The following SLC35F1 variants were observed in gnomAD, a reference collection of about 807,000 sequenced individuals.
The protein encoded by SLC35F1 is solute carrier family 35 member F1.
Under a neutral mutation model 48.7 loss-of-function variants are expected in SLC35F1, and 14 were observed. The ratio of observed to expected loss-of-function variants is 0.29; its 90% CI spans 0.19 to 0.45. The LOEUF (loss-of-function observed/expected upper bound fraction) is 0.45, where lower values mean the gene tolerates loss of function less well. Ranked by LOEUF, SLC35F1 falls within the 20% of genes least tolerant of loss-of-function variation. The probability of loss-of-function intolerance (pLI) is 1.00; values close to 1 mark genes in which losing one functional copy is unlikely to be tolerated. For missense variants in SLC35F1, 404 were observed against 500.0 expected (o/e 0.81, Z 1.83); for synonymous variants, 190 against 202.2 (o/e 0.94, Z 0.51).
chr6:117,930,647 C>T (rs985823323), intron 1 of SLC35F1, among the ~76,000 whole-genome samples: 5 of 152,132 alleles, frequency 3.3e-5, no homozygotes, highest in Non-Finnish European at 7.3e-5. Flanking sequence ...TTCATCCTTC[C>T]TAACTGCTGA....
At chr6:118,070,859 G>A (rs1772692971) in intron 1 of SLC35F1, among the ~76,000 whole-genome samples, 1 of 128,330 alleles carries the variant, frequency 7.8e-6, no homozygotes, top group East Asian at 2.3e-4. Context: ...TATACACATA[G>A]GATATATATA....
chr6:118,289,873 T>G (rs1776098832), intron 7 of SLC35F1, among the ~76,000 whole-genome samples: 1 of 152,244 alleles, frequency 6.6e-6, no homozygotes. Context: ...TAATCTGTAC[T>G]ATTATTTTAA....
At chr6:117,920,092 G>A (rs1775877743) in intron 1 of SLC35F1, among the ~76,000 whole-genome samples, 1 of 152,246 alleles carries the variant, frequency 6.6e-6, no homozygotes, top group Admixed American at 6.5e-5. Flanking sequence ...GGTTCCCGGG[G>A]CTGGCTGGAG....
At chr6:118,247,279 C>T (rs895969588) in intron 3 of SLC35F1, among the ~76,000 whole-genome samples, 2 of 152,120 alleles carry the variant, frequency 1.3e-5, no homozygotes, top group Admixed American at 6.5e-5. Flanking sequence ...TTGCCACTGA[C>T]CTATTATGGT....
In SLC35F1 at chr6:118,316,418, C is replaced by T. The variant is rs192527970; in HGVS notation, c.*2166C>T. 11 of 152,734 alleles carry T rather than the reference C, an allele frequency of 7.2e-5. No homozygotes were observed. Among genetic ancestry groups the T allele is most frequent in the Non-Finnish European group, 1.3e-4 (9 of 68,022 alleles). The allele number at this position is 152,734 out of a possible 1,614,324, so 9.5% of individuals were successfully genotyped here. A position where few individuals can be genotyped will look rare whatever the true frequency, so the allele number is the denominator to read the frequency against. On this transcript the variant is annotated 3_prime_UTR_variant, in exon 8 of 8. Transcript: ENST00000360388. ...AAATACCTTTCTCTGAATATTTTGTCCATTCAGATCCGAAGACCTTTAAAG... is the reference window on the plus strand; with the variant it reads ...AAATACCTTTCTCTGAATATTTTGTTCATTCAGATCCGAAGACCTTTAAAG...
intron 1 of SLC35F1, among the ~76,000 whole-genome samples, chr6:118,134,917 A>G (rs1423201774): frequency 6.6e-6 from 1 of 152,190 alleles, no homozygotes; most frequent in African/African-American, 2.4e-5. Context: ...TTCCAGAATT[A>G]AAGTTTGAAT....
chr6:118,162,134 G>A (rs1334751014), intron 2 of SLC35F1, among the ~76,000 whole-genome samples: 1 of 152,014 alleles, frequency 6.6e-6, no homozygotes, highest in Non-Finnish European at 1.5e-5. Flanking sequence ...GCTTATGAAA[G>A]GATAAAAAAA....
At chr6:118,201,793 C>T (rs753872559) in intron 2 of SLC35F1, among the ~76,000 whole-genome samples, 26 of 152,170 alleles carry the variant, frequency 1.7e-4, no homozygotes, top group Non-Finnish European at 3.4e-4. Context: ...CAAGGCCACT[C>T]TCCAGTCCAA....
chr6:118,136,392 A>G (rs1582686472), intron 1 of SLC35F1, among the ~76,000 whole-genome samples: 1 of 152,176 alleles, frequency 6.6e-6, no homozygotes, highest in South Asian at 2.1e-4. Context: ...AAATACCTTC[A>G]GGTCTTTTCA....
intron 3 of SLC35F1, among the ~76,000 whole-genome samples, chr6:118,245,268 C>T (rs1562337837): frequency 6.6e-6 from 1 of 152,200 alleles, no homozygotes; most frequent in Non-Finnish European, 1.5e-5. Context: ...GTAAAACTTG[C>T]CAATCCCTTC....
At chr6:118,123,591 T>C (rs1220973885) in intron 1 of SLC35F1, among the ~76,000 whole-genome samples, 1 of 152,212 alleles carries the variant, frequency 6.6e-6, no homozygotes. Context: ...ATGCCAATTT[T>C]GGATGTGATG....
chr6:118,125,287 G>A (rs191033335), intron 1 of SLC35F1, among the ~76,000 whole-genome samples: 18 of 150,654 alleles, frequency 1.2e-4, no homozygotes, highest in African/African-American at 4.1e-4. Flanking sequence ...TTCCCTCTGT[G>A]CTATTTTAAC....
chr6:118,098,887 G>C (rs1009215559), intron 1 of SLC35F1, among the ~76,000 whole-genome samples: 1 of 152,064 alleles, frequency 6.6e-6, no homozygotes, highest in Non-Finnish European at 1.5e-5. Context: ...GGAGTTCCTT[G>C]TCCCCATTCA....
intron 1 of SLC35F1, among the ~76,000 whole-genome samples, chr6:118,084,998 G>A (rs1008522281): frequency 6.6e-6 from 1 of 152,106 alleles, no homozygotes; most frequent in African/African-American, 2.4e-5. Flanking sequence ...TCTTTGATTT[G>A]TTTAACCATC....
At chr6:118,116,428 C>A (rs1202714235) in intron 1 of SLC35F1, among the ~76,000 whole-genome samples, 1 of 152,116 alleles carries the variant, frequency 6.6e-6, no homozygotes, top group African/African-American at 2.4e-5. Context: ...CAAGTGTGGT[C>A]AACGTTTTGC....
At chr6:118,168,898 T>C (rs931570278) in intron 2 of SLC35F1, among the ~76,000 whole-genome samples, 4 of 150,784 alleles carry the variant, frequency 2.7e-5, no homozygotes, top group African/African-American at 1.0e-4. Context: ...GTTCATGGGC[T>C]TTATCCTAGT....
rs753106734 is a variant in SLC35F1 at position 118,314,284 on chromosome 6, T to C, written c.*32T>C. 4 of 1,577,972 alleles carry C rather than the reference T, an allele frequency of 2.5e-6. No homozygotes were observed. Among genetic ancestry groups the C allele is most frequent in the Non-Finnish European group, 3.5e-6 (4 of 1,147,424 alleles). ...GCCCGCCCTGCCAACTGAGGCCAAC[T>C]CATTGGCCATGTTTTTGCCCATCAT... On this transcript the variant is annotated 3_prime_UTR_variant, in exon 8 of 8. Coordinates refer to ENST00000360388, the MANE Select transcript of SLC35F1 (RefSeq NM_001029858.4).
At chr6:118,051,166 T>A (rs566528844) in intron 1 of SLC35F1, among the ~76,000 whole-genome samples, 2 of 152,328 alleles carry the variant, frequency 1.3e-5, no homozygotes, top group South Asian at 4.1e-4. Context: ...GTCAGTTTCC[T>A]AGTTATCTGG....
At chr6:118,029,072 G>T (rs1430869434) in intron 1 of SLC35F1, among the ~76,000 whole-genome samples, 1 of 152,042 alleles carries the variant, frequency 6.6e-6, no homozygotes, top group Non-Finnish European at 1.5e-5. Flanking sequence ...TACAGAGAAA[G>T]AGTGTCCAGA....
Sources: allele counts gnomAD v4.1 joint callset (sites outside exome capture counted in the v4.1 genomes callset), GRCh38; gene constraint gnomAD v4.1.1; transcripts MANE v1.5; gene names NCBI Gene and HGNC (gene_info 2026-07-23, HGNC 2026-07-21).